Variants in NR1H4 observed in about 807,000 individuals in gnomAD.
The protein encoded by NR1H4 is bile acid receptor.
A neutral mutation model predicts 58.5 loss-of-function variants in NR1H4; 23 were observed. That is an observed-to-expected ratio of 0.39 (90% CI 0.28 to 0.56). The LOEUF (loss-of-function observed/expected upper bound fraction) is 0.56, where lower values mean the gene tolerates loss of function less well. Ranked by LOEUF, NR1H4 falls within the 20% of genes least tolerant of loss-of-function variation. The probability of loss-of-function intolerance (pLI) is 0.58; values close to 1 mark genes in which losing one functional copy is unlikely to be tolerated. For missense variants in NR1H4, 487 were observed against 576.9 expected (o/e 0.84, Z 1.60); for synonymous variants, 214 against 198.0 (o/e 1.08, Z -0.68).
chr12:100,526,993 G>A (rs1954574242), intron 4 of NR1H4, among the ~76,000 whole-genome samples: 1 of 152,138 alleles, frequency 6.6e-6, no homozygotes, highest in Non-Finnish European at 1.5e-5. Flanking sequence ...AAAAGAAAAT[G>A]AAAAAGCAAT....
At position 100,541,671 on chromosome 12, in the gene NR1H4, G is replaced by A. The variant is rs148037490; in HGVS notation, c.1078+853G>A. On this transcript the variant is annotated intron_variant, in intron 9 of 10. Coordinates refer to ENST00000392986, the MANE Select transcript of NR1H4 (RefSeq NM_001206979.2). ...GCTAGAGTGCAGTGGCATGCTCTTG[G>A]CTCACCAGTTTCCCCTGGGTTCAAG... is the stretch of plus-strand genomic sequence containing the variant. 9.7e-4 allele frequency among the ~76,000 whole-genome samples: 147 copies of A among 151,552 alleles called. 1 individual carries two copies. The highest frequency in any genetic ancestry group is 3.3e-3 in the African/African-American group (136 of 41,352).
At chr12:100,491,166 C>G (rs548809476) in intron 1 of NR1H4, among the ~76,000 whole-genome samples, 1 of 152,192 alleles carries the variant, frequency 6.6e-6, no homozygotes, top group African/African-American at 2.4e-5. Context: ...CCCGACAACA[C>G]CCCAGTTATT....
intron 9 of NR1H4, among the ~76,000 whole-genome samples, chr12:100,547,967 G>T (rs1339704199): frequency 6.6e-6 from 1 of 150,804 alleles, no homozygotes; most frequent in Admixed American, 6.6e-5. Context: ...TGATTCGCCC[G>T]CCTTGGCCTC....
At chr12:100,500,331 A>G (rs1485818684) in intron 3 of NR1H4, among the ~76,000 whole-genome samples, 2 of 152,182 alleles carry the variant, frequency 1.3e-5, no homozygotes, top group South Asian at 4.1e-4. Context: ...ATGCCTTCAT[A>G]GCTGATGCCC....
chr12:100,523,090 C>T (rs897176556), intron 4 of NR1H4, among the ~76,000 whole-genome samples: 1 of 152,094 alleles, frequency 6.6e-6, no homozygotes, highest in Non-Finnish European at 1.5e-5. Context: ...ATTGCTGGAT[C>T]GAATGGTAGA....
chr12:100,514,629 G>A (rs2136172605), intron 4 of NR1H4, among the ~76,000 whole-genome samples: 1 of 152,268 alleles, frequency 6.6e-6, no homozygotes, highest in South Asian at 2.1e-4. Context: ...AATCACCCCA[G>A]TTGAGAATCA....
chr12:100,517,453 C>A (rs767442770), intron 4 of NR1H4, among the ~76,000 whole-genome samples: 3 of 152,142 alleles, frequency 2.0e-5, no homozygotes, highest in African/African-American at 7.2e-5. Context: ...TTAGGTTGAT[C>A]CCCTATCTTG....
intron 4 of NR1H4, 134 bp from the exon 5 acceptor site, chr12:100,532,324 G>T: frequency 1.4e-6 from 1 of 727,288 alleles, no homozygotes; most frequent in East Asian, 2.5e-5. Flanking sequence ...ATTTGTCACT[G>T]GTGTGCTCAA....
intron 4 of NR1H4, among the ~76,000 whole-genome samples, chr12:100,529,693 T>G (rs1054596051): frequency 1.3e-5 from 2 of 152,188 alleles, no homozygotes; most frequent in South Asian, 2.1e-4. Context: ...TACTTATTCT[T>G]CAAAGCCCAG....
At chr12:100,553,867 G>A (rs532204169) in intron 9 of NR1H4, among the ~76,000 whole-genome samples, 1 of 152,350 alleles carries the variant, frequency 6.6e-6, no homozygotes, top group Non-Finnish European at 1.5e-5. Flanking sequence ...GTCTTCCTCA[G>A]TATGGAAATC....
chr12:100,552,435 T>G (rs1236267034), intron 9 of NR1H4, among the ~76,000 whole-genome samples: 1 of 152,178 alleles, frequency 6.6e-6, no homozygotes, highest in Non-Finnish European at 1.5e-5. Context: ...ATAGAGGACA[T>G]AGTCCAATCT....
rs1370266008 is a variant in NR1H4 at position 100,561,965 on chromosome 12, G to A, written c.1159G>A (p.Ala387Thr). Residue 387 changes from alanine to threonine, a missense_variant, in exon 10 of 11, where the codon GCT becomes ACT. Transcript: ENST00000392986. ...ACTGAAAATGACTCAAGAGGAGTAT[G>A]CTCTGCTTACAGCAATTGTTATCCT... ...GELKMTQEEY[A>T]LLTAIVILSP... is the part of the protein sequence containing the mutation. The A allele has an allele frequency of 1.3e-6, 2 of 1,564,496 alleles. No individual in the cohort carries two copies. Among genetic ancestry groups the A allele is most frequent in the African/African-American group, 1.4e-5 (1 of 74,072 alleles).
chr12:100,482,115 AAAC>A, intron 1 of NR1H4, among the ~76,000 whole-genome samples: 1 of 152,172 alleles, frequency 6.6e-6, no homozygotes, highest in East Asian at 1.9e-4. Flanking sequence ...ACAAACAAAC[AAAC>A]AACAAAAACC....
At chr12:100,491,703 C>T (rs1001683763) in intron 1 of NR1H4, among the ~76,000 whole-genome samples, 1 of 151,698 alleles carries the variant, frequency 6.6e-6, no homozygotes, top group African/African-American at 2.4e-5. Flanking sequence ...TGGGCTATGC[C>T]GTGGGTTTAC....
intron 6 of NR1H4, among the ~76,000 whole-genome samples, chr12:100,536,175 T>G (rs1367766137): frequency 6.6e-6 from 1 of 152,164 alleles, no homozygotes; most frequent in Non-Finnish European, 1.5e-5. Flanking sequence ...AAACCTTTCA[T>G]TAGTTATAAT....
intron 9 of NR1H4, among the ~76,000 whole-genome samples, chr12:100,559,602 C>T (rs1339416566): frequency 1.3e-5 from 2 of 152,206 alleles, no homozygotes; most frequent in East Asian, 3.9e-4. Flanking sequence ...CTCACCGAGC[C>T]TTAGCTGCCT....
chr12:100,543,072 G>A (rs775180192), intron 9 of NR1H4, among the ~76,000 whole-genome samples: 1 of 152,074 alleles, frequency 6.6e-6, no homozygotes, highest in Non-Finnish European at 1.5e-5. Context: ...AAGTTTTATT[G>A]GCATTTGAGC....
chr12:100,559,220 C>T (rs979177848), intron 9 of NR1H4, among the ~76,000 whole-genome samples: 1 of 152,226 alleles, frequency 6.6e-6, no homozygotes, highest in African/African-American at 2.4e-5. Flanking sequence ...AGCGTGCTGG[C>T]AGTCCTCAGA....
In NR1H4 at chr12:100,518,053, G is replaced by A. The variant is rs901781364; in HGVS notation, c.445+6910G>A. Among the ~76,000 whole-genome samples, 27 of 152,350 alleles carry A rather than the reference G, an allele frequency of 1.8e-4. 1 individual carries two copies. Among genetic ancestry groups the A allele is most frequent in the Admixed American group, 1.5e-3 (23 of 15,304 alleles). On this transcript the variant is annotated intron_variant, in intron 4 of 10. Transcript: ENST00000392986. ...CCGTTTAGCTGTTAAAGAATCAGTA[G>A]TGTCTAAGCCAAGGGAATGAATCCC...
Sources: allele counts gnomAD v4.1 joint callset (sites outside exome capture counted in the v4.1 genomes callset), GRCh38; gene constraint gnomAD v4.1.1; transcripts MANE v1.5; gene names NCBI Gene and HGNC (gene_info 2026-07-23, HGNC 2026-07-21).